CACNB2: variants seen among roughly 807,000 people sequenced by gnomAD.
The protein encoded by CACNB2 is calcium voltage-gated channel auxiliary subunit beta 2.
Under a neutral mutation model 73.3 loss-of-function variants are expected in CACNB2, and 42 were observed. The ratio of observed to expected loss-of-function variants is 0.57; its 90% confidence interval spans 0.45 to 0.74. CACNB2 has a LOEUF of 0.74. Among genes scored for constraint, CACNB2 ranks in the 30% least tolerant of loss-of-function variants. The pLI, the probability that CACNB2 is intolerant of heterozygous loss-of-function variation, is 0.00. For missense variants in CACNB2, 940 were observed against 853.0 expected (o/e 1.10, Z -1.27); for synonymous variants, 348 against 310.3 (o/e 1.12, Z -1.28).
chr10:18,172,172 G>C (rs1483104820), intron 2 of CACNB2, among the ~76,000 whole-genome samples: 1 of 152,118 alleles, frequency 6.6e-6, no homozygotes, highest in Admixed American at 6.5e-5. Flanking sequence ...AGACCAGCCT[G>C]GCCAACATGG....
At chr10:18,349,844 T>C (rs945473178) in intron 2 of CACNB2, among the ~76,000 whole-genome samples, 1 of 152,218 alleles carries the variant, frequency 6.6e-6, no homozygotes, top group African/African-American at 2.4e-5. Context: ...TCCTATGTTA[T>C]GCATATTTTG....
intron 2 of CACNB2, among the ~76,000 whole-genome samples, chr10:18,271,849 G>T (rs1450989895): frequency 6.6e-6 from 1 of 151,886 alleles, no homozygotes; most frequent in East Asian, 1.9e-4. Context: ...GTTTATTGGG[G>T]TTTTTTTCTT....
intron 2 of CACNB2, among the ~76,000 whole-genome samples, chr10:18,365,018 G>T (rs1354281842): frequency 6.6e-6 from 1 of 152,138 alleles, no homozygotes. Context: ...GTAGAAAGAG[G>T]TGTATAAATT....
intron 6 of CACNB2, chr10:18,513,552 C>T (rs1484575420): frequency 5.0e-6 from 2 of 396,882 alleles, no homozygotes; most frequent in Non-Finnish European, 1.0e-5. Context: ...GTTCCTGGGC[C>T]AAATGCATTG....
chr10:18,198,684 T>C (rs2131300607), intron 2 of CACNB2, among the ~76,000 whole-genome samples: 1 of 152,294 alleles, frequency 6.6e-6, no homozygotes, highest in African/African-American at 2.4e-5. Context: ...TTTGGCCAAA[T>C]TGGTTTTCTA....
rs1448357775 is a variant in CACNB2 at position 18,543,148 on chromosome 10, T to C, written c.*3424T>C. ...AAAGAGCTGGCTTCTGCACTGTTTA[T>C]TAGTAGTAGTATTAATTGCCATGTT... On this transcript the variant is annotated 3_prime_UTR_variant, in exon 14 of 14. Transcript: ENST00000324631. The C allele has an allele frequency of 6.6e-6, 1 of 152,196 alleles. No homozygotes were observed. The highest frequency in any genetic ancestry group is 2.4e-5 in the African/African-American group (1 of 41,448). 9.4% of individuals were successfully genotyped at this position (152,196 alleles called of 1,614,324 possible).
chr10:18,450,140 G>T (rs1271144630), intron 3 of CACNB2, among the ~76,000 whole-genome samples: 4 of 152,166 alleles, frequency 2.6e-5, no homozygotes, highest in Non-Finnish European at 5.9e-5. Flanking sequence ...CGGTTAATGT[G>T]CAGTTCCAAC....
chr10:18,149,265 A>G (rs2031293554), intron 1 of CACNB2, among the ~76,000 whole-genome samples: 1 of 152,206 alleles, frequency 6.6e-6, no homozygotes, highest in African/African-American at 2.4e-5. Flanking sequence ...AAACCTTTAC[A>G]TAATAATTGG....
intron 2 of CACNB2, among the ~76,000 whole-genome samples, chr10:18,208,316 C>G (rs1186854387): frequency 1.3e-5 from 2 of 151,932 alleles, no homozygotes; most frequent in Non-Finnish European, 2.9e-5. Flanking sequence ...ACACAAAAAA[C>G]TTTTTTTTAA....
At chr10:18,373,268 C>T (rs1450607605) in intron 2 of CACNB2, among the ~76,000 whole-genome samples, 1 of 152,130 alleles carries the variant, frequency 6.6e-6, no homozygotes, top group Non-Finnish European at 1.5e-5. Flanking sequence ...ATTTATTAAA[C>T]CTTTATGAAA....
intron 3 of CACNB2, among the ~76,000 whole-genome samples, chr10:18,486,741 G>A (rs994875267): frequency 6.6e-6 from 1 of 152,182 alleles, no homozygotes. Context: ...GCATGAGTCA[G>A]GGCAGAAGCA....
intron 10 of CACNB2, among the ~76,000 whole-genome samples, chr10:18,528,621 G>C (rs933257085): frequency 5.3e-5 from 8 of 152,126 alleles, no homozygotes; most frequent in Admixed American, 3.9e-4. Flanking sequence ...TAAATAATAA[G>C]CTTTATATGT....
At chr10:18,474,288 C>T (rs2048329967) in intron 3 of CACNB2, among the ~76,000 whole-genome samples, 1 of 152,110 alleles carries the variant, frequency 6.6e-6, no homozygotes, top group African/African-American at 2.4e-5. Context: ...GGCAGGGGGA[C>T]TCTCAGGGAC....
intron 3 of CACNB2, among the ~76,000 whole-genome samples, chr10:18,463,991 C>A (rs1268102572): frequency 6.6e-6 from 1 of 152,060 alleles, no homozygotes; most frequent in Non-Finnish European, 1.5e-5. Context: ...ACACATTGCT[C>A]CCAACAAGGC....
intron 3 of CACNB2, among the ~76,000 whole-genome samples, chr10:18,410,796 A>G (rs774713813): frequency 5.7e-4 from 87 of 152,276 alleles, no homozygotes; most frequent in Non-Finnish European, 1.0e-3. Flanking sequence ...CCTGGCCAGC[A>G]TGGTGAAACC....
At chr10:18,164,080 CAG>C (rs1247496725) in intron 2 of CACNB2, among the ~76,000 whole-genome samples, 1 of 152,164 alleles carries the variant, frequency 6.6e-6, no homozygotes, top group African/African-American at 2.4e-5. Flanking sequence ...AAGGTTATTA[CAG>C]AGTTTTGCAG....
chr10:18,222,947 A>G (rs1462073420), intron 2 of CACNB2, among the ~76,000 whole-genome samples: 1 of 152,184 alleles, frequency 6.6e-6, no homozygotes, highest in Middle Eastern at 3.2e-3. Flanking sequence ...AAAAAGAAAA[A>G]TAAAAGATGT....
In CACNB2 at chr10:18,150,982, G is replaced by C; in HGVS notation, c.213+7G>C. ...AAATAGTTTTGTTCGCCAGGTAAGA[G>C]TTTTAAGTTCATGGTTTTGATAAGT... On this transcript the variant is annotated splice_region_variant and intron_variant, in intron 2 of 13. Transcript: ENST00000324631. 6.5e-7 allele frequency: 1 copy of C among 1,544,478 alleles called. No homozygotes were observed. The highest frequency in any genetic ancestry group is 8.9e-7 in the Non-Finnish European group (1 of 1,123,520).
chr10:18,260,504 C>T lies in CACNB2; in HGVS notation c.213+109529C>T, dbSNP rs374081916. 2.0e-5 allele frequency: 20 copies of T among 985,496 alleles called. No individual in the cohort carries two copies. In the African/African-American group the frequency reaches 3.3e-4, roughly 16 times the overall value. The allele number at this position is 985,496 out of a possible 1,614,324, so 61.0% of individuals were successfully genotyped here. A position where few individuals can be genotyped will look rare whatever the true frequency, so the allele number is the denominator to read the frequency against. On this transcript the variant is annotated intron_variant, in intron 2 of 13. Transcript: ENST00000324631. The stretch of plus-strand genomic sequence containing the variant: ...TTGAGCGAGTCAGGTCCTGAGGCCA[C>T]TCTGGCGATCCTCCTTACAATTCAT...
Sources: gnomAD v4.1 joint callset for allele counts (sites outside exome capture counted in the v4.1 genomes callset) on GRCh38, gnomAD v4.1.1 for gene constraint, MANE v1.5 for transcripts, NCBI Gene and HGNC (gene_info 2026-07-23, HGNC 2026-07-21) for gene names.